CLOCK: variants seen among roughly 807,000 people sequenced by gnomAD.
CLOCK encodes circadian locomoter output cycles protein kaput.
Under a neutral mutation model 118.4 loss-of-function variants are expected in CLOCK, and 43 were observed. The ratio of observed to expected loss-of-function variants is 0.36; its 90% CI spans 0.28 to 0.47. CLOCK has a LOEUF of 0.47. Among genes scored for constraint, CLOCK ranks in the 20% least tolerant of loss-of-function variants. CLOCK has a pLI of 1.00. For synonymous variants in CLOCK, 326 were observed against 339.2 expected (o/e 0.96, Z 0.43); for missense variants, 846 against 999.9 (o/e 0.85, Z 2.08).
chr4:55,485,488 G>C (rs1727241992), intron 3 of CLOCK, among the ~76,000 whole-genome samples: 1 of 152,306 alleles, frequency 6.6e-6, no homozygotes, highest in South Asian at 2.1e-4. Context: ...ACTACTGCAA[G>C]TCCCACGCTT....
intron 8 of CLOCK, among the ~76,000 whole-genome samples, chr4:55,465,780 T>C (rs1214574419): frequency 6.6e-6 from 1 of 151,926 alleles, no homozygotes; most frequent in Non-Finnish European, 1.5e-5. Context: ...GGAGAAACCT[T>C]GTCTCTACGA....
chr4:55,510,363 A>G lies in CLOCK; in HGVS notation c.-289-298T>C, dbSNP rs1729060778. On this transcript the variant is annotated intron_variant, in intron 1 of 22. Transcript: ENST00000513440. The stretch of plus-strand genomic sequence containing the variant: ...TCTCCTGGGACGGGTGCGGTGGCTC[A>G]TGCCTGTGATCCCAGCACTTTGGGA... Among the ~76,000 whole-genome samples, 3 of 152,336 alleles carry G rather than the reference A, an allele frequency of 2.0e-5. No homozygotes were observed. The South Asian group carries it at 6.2e-4, about 32-fold the overall frequency.
intron 21 of CLOCK, among the ~76,000 whole-genome samples, chr4:55,440,615 A>G (rs1024907419): frequency 3.9e-5 from 6 of 152,248 alleles, no homozygotes; most frequent in African/African-American, 1.4e-4. Context: ...AAAATTGTCC[A>G]TATTAAGAAA....
At position 55,538,599 on chromosome 4, in the gene CLOCK, C is replaced by T. The variant is rs145139470; in HGVS notation, c.-290+8183G>A. 2.6e-5 allele frequency among the ~76,000 whole-genome samples: 4 copies of T among 151,690 alleles called. No individual in the cohort carries two copies. In the East Asian group the frequency reaches 7.7e-4, roughly 29 times the overall value. On this transcript the variant is annotated intron_variant, in intron 1 of 22. Coordinates refer to ENST00000513440, the MANE Select transcript of CLOCK (RefSeq NM_004898.4). ...AGTTTAATATATGTGTAATTAGGAT[C>T]CAAAAAGAAAAAAGGGGCAGAATAT... is the stretch of plus-strand genomic sequence containing the variant.
intron 22 of CLOCK, 115 bp downstream of exon 22, chr4:55,438,167 G>C: frequency 7.6e-7 from 1 of 1,314,524 alleles, no homozygotes; most frequent in Non-Finnish European, 1.1e-6. Context: ...GATTTAAACT[G>C]TACAATAAGC....
In CLOCK at chr4:55,453,788, C is replaced by G; in HGVS notation, c.1019G>C (p.Arg340Thr). 6.2e-7 allele frequency: 1 copy of G among 1,607,748 alleles called. No individual in the cohort carries two copies. The highest frequency in any genetic ancestry group is 8.5e-7 in the Non-Finnish European group (1 of 1,176,652). ...CCACTGTTGCCCCTTAGTCAGGAAC[C>G]TATAATAACATGATTTGCCTTTCCC... ...QYGKGKSCYYRFLTKGQQWIW... is the reference protein window; with the variant it reads ...QYGKGKSCYYTFLTKGQQWIW... Residue 340 changes from arginine (R) to threonine (T), a missense_variant, in exon 14 of 23, where the codon AGG (arginine) becomes ACG (threonine). Arg to Thr is a moderately conservative substitution (Grantham distance 71, BLOSUM62 -1). This residue lies in a region of CLOCK where 66 missense variants were observed against 99.4 expected (regional missense o/e 0.66). Transcript: ENST00000513440.
intron 1 of CLOCK, among the ~76,000 whole-genome samples, chr4:55,516,511 AGCT>A (rs1729523634): frequency 6.9e-6 from 1 of 145,544 alleles, no homozygotes; most frequent in Non-Finnish European, 1.5e-5. Flanking sequence ...AAATTAATAT[AGCT>A]ATTCATGCTT....
chr4:55,506,439 G>T (rs1229803550), intron 2 of CLOCK, among the ~76,000 whole-genome samples: 1 of 151,530 alleles, frequency 6.6e-6, no homozygotes, highest in Non-Finnish European at 1.5e-5. Flanking sequence ...AACCATATAG[G>T]GAAGTTCCAT....
intron 1 of CLOCK, among the ~76,000 whole-genome samples, chr4:55,538,238 T>A (rs763495336): frequency 6.6e-6 from 1 of 152,046 alleles, no homozygotes; most frequent in African/African-American, 2.4e-5. Flanking sequence ...CGAAAACTTA[T>A]CAGGCATGTG....
At chr4:55,533,509 T>G (rs761399317) in intron 1 of CLOCK, among the ~76,000 whole-genome samples, 1 of 152,230 alleles carries the variant, frequency 6.6e-6, no homozygotes, top group Non-Finnish European at 1.5e-5. Flanking sequence ...CACTTTTTAA[T>G]TAAGTATTTT....
intron 8 of CLOCK, among the ~76,000 whole-genome samples, chr4:55,468,165 G>A (rs1725863926): frequency 6.6e-6 from 1 of 152,014 alleles, no homozygotes; most frequent in Admixed American, 6.6e-5. Flanking sequence ...TCACTGTGCT[G>A]CCCAGGCTGG....
intron 2 of CLOCK, among the ~76,000 whole-genome samples, chr4:55,498,641 G>C (rs935758146): frequency 6.8e-6 from 1 of 146,928 alleles, no homozygotes; most frequent in Non-Finnish European, 1.5e-5. Flanking sequence ...CCCACTGACT[G>C]TTTGATCCTT....
chr4:55,518,399 C>T (rs2110052802), intron 1 of CLOCK, among the ~76,000 whole-genome samples: 1 of 152,260 alleles, frequency 6.6e-6, no homozygotes, highest in East Asian at 1.9e-4. Context: ...AATCCCTAAA[C>T]AAAAATGCCA....
intron 1 of CLOCK, among the ~76,000 whole-genome samples, chr4:55,537,119 A>G (rs1730953791): frequency 6.6e-6 from 1 of 152,206 alleles, no homozygotes; most frequent in Admixed American, 6.5e-5. Flanking sequence ...TAAATAAACT[A>G]TAGACCCAGT....
chr4:55,482,880 C>A, intron 3 of CLOCK, 52 bp from the exon 4 acceptor site: 1 of 845,424 alleles, frequency 1.2e-6, no homozygotes, highest in Non-Finnish European at 1.9e-6. Flanking sequence ...AATGTTACTT[C>A]CACAAACTTA....
Position 55,442,601 on chromosome 4 carries a change from G to C in CLOCK, c.1936C>G (p.Gln646Glu). 1 of 1,612,810 alleles carries C rather than the reference G, an allele frequency of 6.2e-7. No homozygotes were observed. The highest frequency in any genetic ancestry group is 1.1e-5 in the South Asian group (1 of 90,966). Reference protein sequence around the residue: ...QQNVLSGHSQQTSLPSQTQST... With the variant: ...QQNVLSGHSQETSLPSQTQST... Reference sequence around the variant, plus strand: ...TGTGTCTGACTGGGTAGAGATGTTTGCTGACTGTGCCCACTCAGTACATTT... The same window carrying C: ...TGTGTCTGACTGGGTAGAGATGTTTCCTGACTGTGCCCACTCAGTACATTT... Residue 646 changes from glutamine (Q) to glutamate (E), a missense_variant, in exon 21 of 23, where the codon CAA (glutamine) becomes GAA (glutamate). By Grantham distance (29) the Gln-to-Glu change is conservative. Transcript: ENST00000513440.
At chr4:55,502,827 A>G (rs1170021256) in intron 2 of CLOCK, among the ~76,000 whole-genome samples, 1 of 152,206 alleles carries the variant, frequency 6.6e-6, no homozygotes, top group Non-Finnish European at 1.5e-5. Flanking sequence ...ACTCAACAGA[A>G]AAATCAGCAA....
At chr4:55,468,786 G>C (rs975936617) in intron 8 of CLOCK, among the ~76,000 whole-genome samples, 4 of 152,208 alleles carry the variant, frequency 2.6e-5, no homozygotes, top group African/African-American at 9.6e-5. Context: ...AGGAAGAAGA[G>C]GGGTCAGATA....
At position 55,459,390 on chromosome 4, in the gene CLOCK, T is replaced by C. The variant is rs532109385; in HGVS notation, c.560-129A>G. 3 of 674,270 alleles carry C rather than the reference T, an allele frequency of 4.4e-6. No individual in the cohort carries two copies. In the East Asian group the frequency reaches 8.1e-5, roughly 18 times the overall value. 41.8% of individuals were successfully genotyped at this position (674,270 alleles called of 1,614,324 possible). ...TATTTTCCCCAACAGAAGTCGTCAA[T>C]GACATTTAGTTCATAAAAGTAGAGC... On this transcript the variant is annotated intron_variant, in intron 9 of 22. Coordinates refer to ENST00000513440, the MANE Select transcript of CLOCK (RefSeq NM_004898.4).
Sources: allele counts gnomAD v4.1 joint callset (sites outside exome capture counted in the v4.1 genomes callset), GRCh38; gene constraint gnomAD v4.1.1; regional missense constraint gnomAD v4.1.1; transcripts MANE v1.5; gene names NCBI Gene and HGNC (gene_info 2026-07-23, HGNC 2026-07-21).